Variants in RORA observed in about 807,000 individuals in gnomAD.
RORA encodes RAR related orphan receptor A, also known as nuclear receptor ROR-alpha.
In RORA, 7 loss-of-function variants were observed where a neutral mutation model predicts 69.5. The ratio of observed to expected loss-of-function variants is 0.10; its 90% CI spans 0.06 to 0.19. The LOEUF is 0.19. Ranked by LOEUF, RORA falls within the 10% of genes least tolerant of loss-of-function variation. The pLI is 1.00. For missense variants in RORA, 457 were observed against 663.0 expected (o/e 0.69, Z 3.41); for synonymous variants, 261 against 240.8 (o/e 1.08, Z -0.78).
intron 1 of RORA, among the ~76,000 whole-genome samples, chr15:61,076,602 A>T (rs2078453617): frequency 1.3e-5 from 2 of 152,260 alleles, no homozygotes; most frequent in Admixed American, 6.5e-5. Context: ...TACAATAGAA[A>T]CTGCAAAATT....
At chr15:61,180,511 T>C (rs1460824677) in intron 1 of RORA, among the ~76,000 whole-genome samples, 1 of 152,222 alleles carries the variant, frequency 6.6e-6, no homozygotes, top group Non-Finnish European at 1.5e-5. Flanking sequence ...CACAACTTTC[T>C]ACCAATTTTC....
intron 1 of RORA, among the ~76,000 whole-genome samples, chr15:61,073,979 A>T (rs998014267): frequency 2.0e-5 from 3 of 152,204 alleles, no homozygotes; most frequent in African/African-American, 7.2e-5. Flanking sequence ...CTTACCACTC[A>T]TAACTGAGCT....
chr15:60,691,404 G>C (rs913801270), intron 1 of RORA, among the ~76,000 whole-genome samples: 1 of 152,196 alleles, frequency 6.6e-6, no homozygotes, highest in Non-Finnish European at 1.5e-5. Flanking sequence ...GTGATGCCTA[G>C]AATGGTGCCT....
intron 1 of RORA, among the ~76,000 whole-genome samples, chr15:60,961,595 C>G (rs1893415703): frequency 6.6e-6 from 1 of 152,174 alleles, no homozygotes; most frequent in South Asian, 2.1e-4. Flanking sequence ...GGGCAGGAGC[C>G]TCTTTCCTTT....
intron 1 of RORA, among the ~76,000 whole-genome samples, chr15:60,973,642 C>T (rs1326604875): frequency 1.3e-5 from 2 of 152,196 alleles, no homozygotes; most frequent in East Asian, 1.9e-4. Flanking sequence ...TAACATTATT[C>T]GGCTTACAAC....
chr15:60,886,285 G>T (rs2073748990), intron 1 of RORA, among the ~76,000 whole-genome samples: 2 of 152,248 alleles, frequency 1.3e-5, no homozygotes, highest in South Asian at 4.1e-4. Context: ...TAAGAAGAAG[G>T]TTCTAACTCG....
intron 1 of RORA, among the ~76,000 whole-genome samples, chr15:60,982,573 A>G (rs912188076): frequency 2.0e-5 from 3 of 152,210 alleles, no homozygotes; most frequent in Non-Finnish European, 4.4e-5. Flanking sequence ...GCCACCAGAT[A>G]GATCAAATTA....
intron 1 of RORA, among the ~76,000 whole-genome samples, chr15:60,842,583 G>C (rs1214741804): frequency 6.6e-6 from 1 of 152,170 alleles, no homozygotes; most frequent in African/African-American, 2.4e-5. Flanking sequence ...CAGTGGGTCA[G>C]TGGTCAGTGG....
At chr15:60,828,873 A>G (rs2073001025) in intron 1 of RORA, among the ~76,000 whole-genome samples, 1 of 152,132 alleles carries the variant, frequency 6.6e-6, no homozygotes, top group South Asian at 2.1e-4. Flanking sequence ...ATTCATTTGC[A>G]TTCATTATGG....
At chr15:60,922,053 T>C (rs1002135567) in intron 1 of RORA, among the ~76,000 whole-genome samples, 1 of 152,188 alleles carries the variant, frequency 6.6e-6, no homozygotes, top group Non-Finnish European at 1.5e-5. Flanking sequence ...CGTTAAAAAA[T>C]ATATGCACAG....
At chr15:60,555,669 G>GAACAC (rs1252949812) in intron 2 of RORA, among the ~76,000 whole-genome samples, 1 of 152,098 alleles carries the variant, frequency 6.6e-6, no homozygotes, top group Non-Finnish European at 1.5e-5. Context: ...CCCTAAGAAT[G>GAACAC]AAGTGGTCTT....
chr15:60,798,451 C>T lies in RORA; in HGVS notation c.167-119765G>A, dbSNP rs116067551. On this transcript the variant is annotated intron_variant, in intron 1 of 10. Coordinates refer to ENST00000335670, the MANE Select transcript of RORA (RefSeq NM_134261.3). ...GGACTCTACTTAGAATCCATGGACTCTTATTTTAGAAATAACATGCTTAGT... is the reference window on the plus strand; with the variant it reads ...GGACTCTACTTAGAATCCATGGACTTTTATTTTAGAAATAACATGCTTAGT... Among the ~76,000 whole-genome samples, 1,277 of 152,134 alleles carry T rather than the reference C, an allele frequency of 8.4e-3. 16 individuals carry two copies. Among genetic ancestry groups the T allele is most frequent in the African/African-American group, 0.029 (1,220 of 41,474 alleles).
At chr15:60,796,674 A>G (rs1165811276) in intron 1 of RORA, among the ~76,000 whole-genome samples, 1 of 152,078 alleles carries the variant, frequency 6.6e-6, no homozygotes, top group African/African-American at 2.4e-5. Context: ...CAGCAATTTC[A>G]CTCCTAGGTA....
intron 1 of RORA, among the ~76,000 whole-genome samples, chr15:60,841,471 T>G (rs2073197454): frequency 6.6e-6 from 1 of 152,206 alleles, no homozygotes. Flanking sequence ...TTGTTTTCTC[T>G]CTCCCTCTCT....
chr15:60,835,258 G>A (rs2073101221), intron 1 of RORA, among the ~76,000 whole-genome samples: 1 of 152,190 alleles, frequency 6.6e-6, no homozygotes, highest in Non-Finnish European at 1.5e-5. Flanking sequence ...GATCAGGCTT[G>A]GCTTAAAAGC....
chr15:61,000,477 A>T (rs1012448810), intron 1 of RORA, among the ~76,000 whole-genome samples: 1 of 152,206 alleles, frequency 6.6e-6, no homozygotes, highest in Non-Finnish European at 1.5e-5. Context: ...CATCAGGATC[A>T]CAGGTTCAAA....
chr15:61,088,033 G>A (rs1444653287), intron 1 of RORA, among the ~76,000 whole-genome samples: 1 of 152,214 alleles, frequency 6.6e-6, no homozygotes, highest in Non-Finnish European at 1.5e-5. Context: ...CCCCACTCTT[G>A]ACTTGGTTCA....
chr15:60,593,043 C>T (rs1021746876), intron 2 of RORA: 3 of 434,686 alleles, frequency 6.9e-6, no homozygotes, highest in African/African-American at 4.1e-5. Flanking sequence ...TCGGAAGGTA[C>T]GGCCCACTTC....
At chr15:61,002,902 C>T (rs749170469) in intron 1 of RORA, among the ~76,000 whole-genome samples, 18 of 148,770 alleles carry the variant, frequency 1.2e-4, no homozygotes, top group African/African-American at 2.0e-4. Flanking sequence ...GAAGAAGAGG[C>T]GGGCAGATTA....
Sources: allele counts gnomAD v4.1 joint callset (sites outside exome capture counted in the v4.1 genomes callset), GRCh38; gene constraint gnomAD v4.1.1; transcripts MANE v1.5; gene names NCBI Gene and HGNC (gene_info 2026-07-23, HGNC 2026-07-21).